ELL2: variants seen among roughly 807,000 people sequenced by gnomAD.
ELL2 encodes elongation factor for RNA polymerase II 2.
A neutral mutation model predicts 72.8 loss-of-function variants in ELL2; 21 were observed. The ratio of observed to expected loss-of-function variants is 0.29; its 90% CI spans 0.20 to 0.42. The LOEUF is 0.42. ELL2 is among the 10% of genes least tolerant of loss of function. The probability of loss-of-function intolerance (pLI) is 1.00; values close to 1 mark genes in which losing one functional copy is unlikely to be tolerated. For synonymous variants in ELL2, 266 were observed against 283.2 expected, an observed-to-expected ratio of 0.94 and a Z score of 0.61; for missense variants, 568 against 772.8, an observed-to-expected ratio of 0.73 and a Z score of 3.14.
At chr5:95,959,148 C>T (rs978091938) in intron 1 of ELL2, among the ~76,000 whole-genome samples, 6 of 152,182 alleles carry the variant, frequency 3.9e-5, no homozygotes, top group Non-Finnish European at 7.4e-5. Context: ...ACTGTCACTT[C>T]GCTTTCCCTT....
intron 9 of ELL2, among the ~76,000 whole-genome samples, chr5:95,893,220 T>A (rs1440698708): frequency 6.6e-6 from 1 of 152,240 alleles, no homozygotes; most frequent in African/African-American, 2.4e-5. Flanking sequence ...AAAGTTGTCC[T>A]ACTTTTACGA....
chr5:95,957,884 A>G (rs1487493662), intron 1 of ELL2, among the ~76,000 whole-genome samples: 1 of 152,222 alleles, frequency 6.6e-6, no homozygotes, highest in African/African-American at 2.4e-5. Context: ...TGCCTAAATC[A>G]TAGCTTCCTA....
intron 2 of ELL2, among the ~76,000 whole-genome samples, chr5:95,931,517 T>C (rs1269508125): frequency 1.3e-5 from 2 of 152,082 alleles, no homozygotes; most frequent in Non-Finnish European, 2.9e-5. Flanking sequence ...CTATACTCAT[T>C]CTGAATCTTC....
rs574906473 is a variant in ELL2 at position 95,893,655 on chromosome 5, G to A, written c.1589+1973C>T. 5.7e-4 allele frequency among the ~76,000 whole-genome samples: 87 copies of A among 152,314 alleles called. 1 individual carries two copies. The highest frequency in any genetic ancestry group is 3.4e-3 in the Middle Eastern group (1 of 294). ...CCACCTCGGCCTCCCACAGTGCTGGGATTACAGGCGTGAGCCACCGCGCCC... is the reference window on the plus strand; with the variant it reads ...CCACCTCGGCCTCCCACAGTGCTGGAATTACAGGCGTGAGCCACCGCGCCC... On this transcript the variant is annotated intron_variant, in intron 9 of 11. Transcript: ENST00000237853.
chr5:95,941,521 C>CACAT (rs1352381758), intron 2 of ELL2, among the ~76,000 whole-genome samples: 1 of 152,146 alleles, frequency 6.6e-6, no homozygotes, highest in Non-Finnish European at 1.5e-5. Flanking sequence ...TGGAAGCCTG[C>CACAT]ACATATTGGT....
rs1748553689 is a variant in ELL2, at chr5:95,888,890, T to C, written c.1904A>G (p.Gln635Arg). ...AGAGTTCTAGGACCATGACTCTGCT[T>C]GCTGTTGGTCAAATTCACCTATTAG... ...KRLIGEFDQQQAESWS is the reference protein window; with the variant it reads ...KRLIGEFDQQRAESWS The change falls in exon 12 of 12, where the codon CAA (glutamine) becomes CGA (arginine). Residue 635 changes from glutamine to arginine, a missense_variant. Coordinates refer to ENST00000237853, the MANE Select transcript of ELL2 (RefSeq NM_012081.6). 1.9e-6 allele frequency: 3 copies of C among 1,609,440 alleles called. No individual in the cohort carries two copies. The East Asian group carries it at 6.7e-5, about 36-fold the overall frequency.
At chr5:95,935,283 T>G (rs1357155857) in intron 2 of ELL2, among the ~76,000 whole-genome samples, 1 of 152,252 alleles carries the variant, frequency 6.6e-6, no homozygotes, top group African/African-American at 2.4e-5. Context: ...TTTTCATTGT[T>G]GTATATTATT....
At chr5:95,908,606 C>A (rs1484950322) in intron 4 of ELL2, among the ~76,000 whole-genome samples, 1 of 152,154 alleles carries the variant, frequency 6.6e-6, no homozygotes, top group Non-Finnish European at 1.5e-5. Flanking sequence ...GTCCATACTT[C>A]CCCACGTTGC....
chr5:95,927,382 CGT>C (rs766704911), intron 2 of ELL2, among the ~76,000 whole-genome samples: 1 of 55,078 alleles, frequency 1.8e-5, no homozygotes, highest in Non-Finnish European at 3.1e-5. Flanking sequence ...CACACACACA[CGT>C]GTGTATATAT....
intron 1 of ELL2, among the ~76,000 whole-genome samples, chr5:95,947,853 T>C (rs920679732): frequency 1.4e-5 from 2 of 146,350 alleles, no homozygotes; most frequent in Non-Finnish European, 3.0e-5. Flanking sequence ...GTTCAGTTTC[T>C]GATTAAAAAC....
At position 95,913,799 on chromosome 5, in the gene ELL2, T is replaced by G; in HGVS notation, c.453A>C (p.Lys151Asn). The G allele has an allele frequency of 1.2e-6, 2 of 1,612,256 alleles. No homozygotes were observed. The highest frequency in any genetic ancestry group is 1.1e-5 in the South Asian group (1 of 90,842). ...AEEESRNRST[K>N]VIKPGGPYVG... The stretch of plus-strand genomic sequence containing the variant: ...CATATGGTCCACCGGGTTTGATAAC[T>G]TTTGTGCTTCGGTTGCGGGATTCCT... The change falls in exon 4 of 12, where the codon AAA (lysine) becomes AAC (asparagine). Residue 151 changes from lysine to asparagine, a missense_variant. Coordinates refer to ENST00000237853, the MANE Select transcript of ELL2 (RefSeq NM_012081.6).
intron 1 of ELL2, among the ~76,000 whole-genome samples, chr5:95,956,195 G>A (rs1040438651): frequency 6.6e-6 from 1 of 151,696 alleles, no homozygotes; most frequent in African/African-American, 2.4e-5. Context: ...CCCAATTCTG[G>A]TGCCAAGCTT....
At chr5:95,910,991 C>T (rs154445) in intron 4 of ELL2, among the ~76,000 whole-genome samples, 12 of 152,336 alleles carry the variant, frequency 7.9e-5, no homozygotes, top group Middle Eastern at 3.4e-3. Flanking sequence ...CATTCTTCAT[C>T]GGGTGATTAT....
At chr5:95,928,679 T>C (rs1449862921) in intron 2 of ELL2, among the ~76,000 whole-genome samples, 1 of 152,228 alleles carries the variant, frequency 6.6e-6, no homozygotes, top group Non-Finnish European at 1.5e-5. Context: ...GTATTACCTT[T>C]TGCTTGGACA....
At chr5:95,946,215 C>G (rs895513232) in intron 1 of ELL2, among the ~76,000 whole-genome samples, 1 of 152,110 alleles carries the variant, frequency 6.6e-6, no homozygotes, top group Non-Finnish European at 1.5e-5. Flanking sequence ...TTTAGAAATA[C>G]CCTGGAAGTG....
intron 1 of ELL2, among the ~76,000 whole-genome samples, chr5:95,960,873 CT>C (rs1167373634): frequency 1.3e-5 from 2 of 151,814 alleles, no homozygotes; most frequent in South Asian, 2.1e-4. Flanking sequence ...GGTGTGTCCC[CT>C]CCCCCCCCGT....
intron 2 of ELL2, among the ~76,000 whole-genome samples, chr5:95,926,935 CTACCTTGAG>C (rs1417445409): frequency 6.6e-6 from 1 of 152,128 alleles, no homozygotes; most frequent in African/African-American, 2.4e-5. Flanking sequence ...TTACAAAAAA[CTACCTTGAG>C]TAATTTTTGG....
chr5:95,913,611 T>C, intron 4 of ELL2, 160 bp downstream of exon 4: 1 of 722,538 alleles, frequency 1.4e-6, no homozygotes, highest in Non-Finnish European at 2.1e-6. Flanking sequence ...ACTGGCAGTC[T>C]GAAGAGAACA....
chr5:95,957,598 CA>C (rs1187707768), intron 1 of ELL2, among the ~76,000 whole-genome samples: 1 of 152,094 alleles, frequency 6.6e-6, no homozygotes, highest in Non-Finnish European at 1.5e-5. Flanking sequence ...AAGTGAGTAG[CA>C]AAACAACTTT....
Sources: gnomAD v4.1 joint callset for allele counts (sites outside exome capture counted in the v4.1 genomes callset) on GRCh38, gnomAD v4.1.1 for gene constraint, MANE v1.5 for transcripts, NCBI Gene and HGNC (gene_info 2026-07-23, HGNC 2026-07-21) for gene names.